SESTD1: variants seen among roughly 807,000 people sequenced by gnomAD.
SESTD1 encodes SEC14 and spectrin domain containing 1.
In SESTD1, 43 loss-of-function variants were observed where a neutral mutation model predicts 101.7. The observed-to-expected ratio is 0.42, with a 90% CI of 0.33 to 0.55. SESTD1 has a LOEUF of 0.55. Among genes scored for constraint, SESTD1 ranks in the 20% least tolerant of loss-of-function variants. SESTD1 has a pLI of 0.07. For synonymous variants in SESTD1, 283 were observed against 286.8 expected, an observed-to-expected ratio of 0.99 and a Z score of 0.13; for missense variants, 647 against 815.1, an observed-to-expected ratio of 0.79 and a Z score of 2.51.
intron 5 of SESTD1, among the ~76,000 whole-genome samples, chr2:179,170,049 G>A (rs1011480667): frequency 2.7e-5 from 4 of 149,446 alleles, no homozygotes; most frequent in Admixed American, 1.3e-4. Flanking sequence ...ACTCAAAATA[G>A]ATCACAGATC....
Position 179,123,738 on chromosome 2 carries a change from A to G in SESTD1, c.1259T>C (p.Leu420Pro), listed in dbSNP as rs372614658. 86 of 1,613,696 alleles carry G rather than the reference A, an allele frequency of 5.3e-5. No homozygotes were observed. Among genetic ancestry groups the G allele is most frequent in the Non-Finnish European group, 7.2e-5 (85 of 1,179,840 alleles). The change falls in exon 12 of 18, where the codon CTT (leucine) becomes CCT (proline). Residue 420 changes from leucine to proline, a missense_variant. Leu to Pro is a moderately conservative substitution (Grantham distance 98). Coordinates refer to ENST00000428443, the MANE Select transcript of SESTD1 (RefSeq NM_178123.5). ...GASIQQTLKL[L>P]EEKLKSVDVG... Reference sequence around the variant, plus strand: ...ACCAACACTTTTCAGCTTCTCTTCAAGCAGTTTTAAAGTTTGCTGAATCGA... The same window carrying G: ...ACCAACACTTTTCAGCTTCTCTTCAGGCAGTTTTAAAGTTTGCTGAATCGA...
chr2:179,183,357 T>C (rs1038655307), intron 2 of SESTD1, among the ~76,000 whole-genome samples, 169 bp from the exon 3 acceptor site: 2 of 152,024 alleles, frequency 1.3e-5, no homozygotes, highest in African/African-American at 2.4e-5. Context: ...TATAGAAGAA[T>C]TACAGAAAAT....
At position 179,102,713 on chromosome 2, in the gene SESTD1, A is replaced by T. The variant is rs914691972; in HGVS notation, c.*7186T>A. On this transcript the variant is annotated 3_prime_UTR_variant, in exon 18 of 18. Transcript: ENST00000428443. Reference sequence around the variant, plus strand: ...ACTAATACAGGTGAATGCTGTATGTAATAGAACAGCTGGGAGAGGTAAAAG... The same window carrying T: ...ACTAATACAGGTGAATGCTGTATGTTATAGAACAGCTGGGAGAGGTAAAAG... 1 of 152,176 alleles carries T rather than the reference A, an allele frequency of 6.6e-6. No homozygotes were observed. Among genetic ancestry groups the T allele is most frequent in the Non-Finnish European group, 1.5e-5 (1 of 68,028 alleles). 9.4% of individuals were successfully genotyped at this position (152,176 alleles called of 1,614,324 possible).
At chr2:179,247,222 G>GTT in intron 1 of SESTD1, among the ~76,000 whole-genome samples, 1 of 143,904 alleles carries the variant, frequency 6.9e-6, no homozygotes. Context: ...GATCAGGGTA[G>GTT]TTTTTTTTTT....
At chr2:179,246,699 G>A (rs565704445) in intron 1 of SESTD1, among the ~76,000 whole-genome samples, 1 of 152,150 alleles carries the variant, frequency 6.6e-6, no homozygotes, top group African/African-American at 2.4e-5. Context: ...AGATAGACCT[G>A]AGCAATAAAG....
chr2:179,156,770 T>C (rs992779070), intron 5 of SESTD1, among the ~76,000 whole-genome samples: 1 of 152,210 alleles, frequency 6.6e-6, no homozygotes, highest in African/African-American at 2.4e-5. Context: ...CCTCTGTAGG[T>C]TGTCTGTTTA....
chr2:179,230,405 G>C (rs2046969804), intron 1 of SESTD1, among the ~76,000 whole-genome samples: 2 of 151,846 alleles, frequency 1.3e-5, no homozygotes, highest in South Asian at 4.2e-4. Context: ...CAAAGTTCTG[G>C]CATTACAGAC....
chr2:179,239,937 A>G (rs1403772777), intron 1 of SESTD1, among the ~76,000 whole-genome samples: 27 of 152,176 alleles, frequency 1.8e-4, no homozygotes, highest in African/African-American at 2.4e-5. Flanking sequence ...GGTGCAGAAC[A>G]TATTATTTTG....
chr2:179,235,033 A>G (rs553072522), intron 1 of SESTD1, among the ~76,000 whole-genome samples: 3 of 152,098 alleles, frequency 2.0e-5, no homozygotes, highest in Non-Finnish European at 4.4e-5. Context: ...GACATGAAAA[A>G]CCAAAAGTAA....
At chr2:179,263,609 G>A (rs561965376) in intron 1 of SESTD1, among the ~76,000 whole-genome samples, 8 of 150,026 alleles carry the variant, frequency 5.3e-5, no homozygotes, top group Non-Finnish European at 1.2e-4. Context: ...TTACTCCCTC[G>A]GCAGCACTCC....
chr2:179,263,297 A>G (rs1043614863), intron 1 of SESTD1, among the ~76,000 whole-genome samples: 5 of 152,218 alleles, frequency 3.3e-5, no homozygotes, highest in Admixed American at 6.5e-5. Context: ...ATAGCATACC[A>G]ATGAAACCAG....
chr2:179,218,713 C>A (rs1412881396), intron 1 of SESTD1, among the ~76,000 whole-genome samples: 1 of 152,190 alleles, frequency 6.6e-6, no homozygotes. Context: ...GTTTAACTAT[C>A]TTTCCCAGTA....
intron 5 of SESTD1, among the ~76,000 whole-genome samples, chr2:179,165,122 G>T (rs116545870): frequency 6.6e-6 from 1 of 152,122 alleles, no homozygotes; most frequent in South Asian, 2.1e-4. Flanking sequence ...GCCTGGCAGC[G>T]TATTAACCAG....
chr2:179,143,925 T>C, intron 8 of SESTD1, 122 bp from the exon 9 acceptor site: 1 of 965,472 alleles, frequency 1.0e-6, no homozygotes, highest in East Asian at 2.6e-5. Context: ...TACCAGGTTA[T>C]AAATGGAATT....
At chr2:179,188,934 T>A (rs1559136008) in intron 2 of SESTD1, among the ~76,000 whole-genome samples, 1 of 151,950 alleles carries the variant, frequency 6.6e-6, no homozygotes, top group East Asian at 1.9e-4. Context: ...ATTGGTAATT[T>A]AAAAAAATCT....
intron 5 of SESTD1, among the ~76,000 whole-genome samples, chr2:179,159,162 T>G (rs1198878680): frequency 6.6e-6 from 1 of 152,212 alleles, no homozygotes; most frequent in African/African-American, 2.4e-5. Flanking sequence ...CAATCACCTT[T>G]ATAAAGTGGG....
chr2:179,124,207 A>T lies in SESTD1; in HGVS notation c.1167+157T>A, dbSNP rs186208617. On this transcript the variant is annotated intron_variant, in intron 11 of 17. Transcript: ENST00000428443. ...ATGACTTAAAAAATACTTGTTTTTA[A>T]AAAAAATCAAAGAATTTTATCTCAT... 4.2e-3 allele frequency among the ~76,000 whole-genome samples: 641 copies of T among 152,318 alleles called. 2 individuals carry two copies. The highest frequency in any genetic ancestry group is 0.014 in the African/African-American group (595 of 41,582).
At position 179,134,237 on chromosome 2, in the gene SESTD1, T is replaced by C. The variant is rs527977023; in HGVS notation, c.850-1811A>G. ...TTTCATATGCTACTCCAGATTTCAG[T>C]GTTATAGCCAATTCTCATAGATAAC... is the stretch of plus-strand genomic sequence containing the variant. On this transcript the variant is annotated intron_variant, in intron 9 of 17. Coordinates refer to ENST00000428443, the MANE Select transcript of SESTD1 (RefSeq NM_178123.5). Among the ~76,000 whole-genome samples the C allele has an allele frequency of 2.0e-4, 30 of 152,322 alleles. No homozygotes were observed. In the East Asian group the frequency reaches 5.6e-3, roughly 28 times the overall value.
intron 1 of SESTD1, among the ~76,000 whole-genome samples, chr2:179,245,705 C>T (rs2047219893): frequency 6.6e-6 from 1 of 151,364 alleles, no homozygotes; most frequent in Non-Finnish European, 1.5e-5. Context: ...AAAATATGCT[C>T]AAATAACCCA....
Sources: allele counts gnomAD v4.1 joint callset (sites outside exome capture counted in the v4.1 genomes callset), GRCh38; gene constraint gnomAD v4.1.1; transcripts MANE v1.5; gene names NCBI Gene and HGNC (gene_info 2026-07-23, HGNC 2026-07-21).